Variants in CABYR observed in about 807,000 individuals in gnomAD.
CABYR encodes calcium binding tyrosine phosphorylation regulated.
A neutral mutation model predicts 36.1 loss-of-function variants in CABYR; 31 were observed. The ratio of observed to expected loss-of-function variants is 0.86; its 90% CI spans 0.64 to 1.16. The LOEUF is 1.16. CABYR is among the 50% of genes most tolerant of loss of function. The pLI, the probability that CABYR is intolerant of heterozygous loss-of-function variation, is 0.00. For missense variants in CABYR, 429 were observed against 455.8 expected, an observed-to-expected ratio of 0.94 and a Z score of 0.53; for synonymous variants, 146 against 160.7, an observed-to-expected ratio of 0.91 and a Z score of 0.69.
At chr18:24,153,106 T>C (rs2085681348) in intron 3 of CABYR, among the ~76,000 whole-genome samples, 1 of 152,208 alleles carries the variant, frequency 6.6e-6, no homozygotes. Context: ...AGGGCATCTC[T>C]CTCCAAATTC....
intron 3 of CABYR, chr18:24,148,705 G>A (rs2085521638): frequency 6.7e-6 from 1 of 149,564 alleles, no homozygotes. Context: ...TGGCTCAGGA[G>A]TGAAGCTGCA....
At chr18:24,154,591 T>C (rs1568462802) in intron 3 of CABYR, among the ~76,000 whole-genome samples, 2 of 152,254 alleles carry the variant, frequency 1.3e-5, no homozygotes, top group African/African-American at 2.4e-5. Flanking sequence ...GCTGAACCTA[T>C]TGAAAACATG....
intron 4 of CABYR, chr18:24,156,553 C>A: frequency 6.2e-7 from 1 of 1,614,150 alleles, no homozygotes; most frequent in Non-Finnish European, 8.5e-7. Flanking sequence ...GTAGAAAAGA[C>A]CACCTCTGGC....
intron 4 of CABYR, chr18:24,156,794 T>G: frequency 6.2e-7 from 1 of 1,614,098 alleles, no homozygotes; most frequent in Admixed American, 1.7e-5. Flanking sequence ...CTGACAATAC[T>G]GGGCAGGAGG....
At chr18:24,159,173 C>T (rs146958327) in intron 4 of CABYR, among the ~76,000 whole-genome samples, 146 of 152,302 alleles carry the variant, frequency 9.6e-4, no homozygotes, top group Middle Eastern at 3.4e-3. Flanking sequence ...TGCGAGGAGC[C>T]TATAGAAGCC....
chr18:24,154,320 A>T lies in CABYR; in HGVS notation c.200-1381A>T, dbSNP rs2085716404. Among the ~76,000 whole-genome samples the T allele has an allele frequency of 2.0e-5, 3 of 152,140 alleles. 1 individual carries two copies. The highest frequency in any genetic ancestry group is 4.1e-4 in the South Asian group (2 of 4,828). ...TAGTATGTAGCACAAGCACTCAGTC[A>T]GATGTGCTGGTGGATAAAAGGGCTT... On this transcript the variant is annotated intron_variant, in intron 3 of 5. Transcript: ENST00000399496.
chr18:24,156,820 C>G, intron 4 of CABYR: 1 of 1,614,110 alleles, frequency 6.2e-7, no homozygotes, highest in Non-Finnish European at 8.5e-7. Context: ...GGGGAAAACT[C>G]TGTACCCCAG....
intron 5 of CABYR, among the ~76,000 whole-genome samples, chr18:24,161,186 G>A (rs1463180051): frequency 2.0e-5 from 3 of 152,182 alleles, no homozygotes; most frequent in African/African-American, 7.2e-5. Context: ...GGAATTTTAA[G>A]TTGAGCATCT....
At chr18:24,147,614 TGG>T (rs1195142988) in intron 3 of CABYR, among the ~76,000 whole-genome samples, 1 of 152,056 alleles carries the variant, frequency 6.6e-6, no homozygotes, top group Non-Finnish European at 1.5e-5. Context: ...AGAGGGTATA[TGG>T]GACACAGCCC....
chr18:24,140,805 C>G (rs1030148771), intron 1 of CABYR, among the ~76,000 whole-genome samples: 3 of 150,084 alleles, frequency 2.0e-5, no homozygotes, highest in African/African-American at 7.4e-5. Flanking sequence ...GTTTTCCTTT[C>G]TGTGCCTCAC....
intron 3 of CABYR, 148 bp downstream of exon 3, chr18:24,143,561 T>A (rs1281651757): frequency 5.8e-5 from 17 of 291,510 alleles, no homozygotes; most frequent in Middle Eastern, 9.9e-4. Context: ...ATATATATAT[T>A]TTTAGAGACA....
chr18:24,158,537 C>T (rs1038316889), intron 4 of CABYR, among the ~76,000 whole-genome samples: 10 of 152,060 alleles, frequency 6.6e-5, no homozygotes, highest in Admixed American at 2.6e-4. Context: ...AGGCTGGTCT[C>T]GAACTCCCGA....
intron 3 of CABYR, among the ~76,000 whole-genome samples, chr18:24,149,483 G>A (rs1161456463): frequency 6.6e-6 from 1 of 152,242 alleles, no homozygotes; most frequent in Admixed American, 6.5e-5. Context: ...AGTCCAGCTG[G>A]CTTCACCCAG....
intron 1 of CABYR, 63 bp from the exon 2 acceptor site, chr18:24,143,028 A>T: frequency 8.0e-7 from 1 of 1,247,912 alleles, no homozygotes; most frequent in Non-Finnish European, 1.1e-6. Flanking sequence ...GTCTCAAAAA[A>T]AAAAAAAAAA....
chr18:24,151,687 C>T (rs1301815505), intron 3 of CABYR, among the ~76,000 whole-genome samples: 14 of 123,920 alleles, frequency 1.1e-4, no homozygotes, highest in East Asian at 4.7e-4. Context: ...CTAGTGTTGG[C>T]TTTTTTTTTT....
At chr18:24,148,636 T>G (rs985323323) in intron 3 of CABYR, 1 of 153,464 alleles carries the variant, frequency 6.5e-6, no homozygotes, top group Non-Finnish European at 1.4e-5. Flanking sequence ...TGGAGTTTGC[T>G]CCTTCTGACG....
At chr18:24,145,902 G>A (rs548700501) in intron 3 of CABYR, among the ~76,000 whole-genome samples, 1 of 152,304 alleles carries the variant, frequency 6.6e-6, no homozygotes, top group African/African-American at 2.4e-5. Flanking sequence ...GAACAAAGCT[G>A]AAGTATGCCC....
chr18:24,157,619 CCGGCACTTG>C (rs57008878), intron 4 of CABYR, among the ~76,000 whole-genome samples: 1 of 152,036 alleles, frequency 6.6e-6, no homozygotes, highest in Non-Finnish European at 1.5e-5. Context: ...AAAGGACGGC[CCGGCACTTG>C]CGGCACTTGA....
At chr18:24,158,561 A>T (rs1214509605) in intron 4 of CABYR, among the ~76,000 whole-genome samples, 1 of 151,348 alleles carries the variant, frequency 6.6e-6, no homozygotes, top group Non-Finnish European at 1.5e-5. Flanking sequence ...CAGGTGATCC[A>T]CCCTCCTCGG....
Sources: gnomAD v4.1 joint callset for allele counts (sites outside exome capture counted in the v4.1 genomes callset) on GRCh38, gnomAD v4.1.1 for gene constraint, MANE v1.5 for transcripts, NCBI Gene and HGNC (gene_info 2026-07-23, HGNC 2026-07-21) for gene names.